The following FHIT variants were observed in gnomAD, a reference collection of about 807,000 sequenced individuals.
FHIT encodes the protein fragile histidine triad diadenosine triphosphatase.
In FHIT, 19 loss-of-function variants were observed where a neutral mutation model predicts 17.9. The observed-to-expected ratio is 1.06, with a 90% CI of 0.74 to 1.56. The LOEUF (loss-of-function observed/expected upper bound fraction) is 1.56. Among genes scored for constraint, FHIT ranks in the 40% most tolerant of loss-of-function variants. The pLI is 0.00. For missense variants in FHIT, 248 were observed against 189.2 expected, an observed-to-expected ratio of 1.31 and a Z score of -1.82; for synonymous variants, 81 against 69.7, an observed-to-expected ratio of 1.16 and a Z score of -0.81.
At chr3:61,240,102 A>T (rs938281844) in intron 1 of FHIT, among the ~76,000 whole-genome samples, 1 of 152,054 alleles carries the variant, frequency 6.6e-6, no homozygotes, top group Non-Finnish European at 1.5e-5. Flanking sequence ...AGGAAGCCTT[A>T]GTTTAGAGGA....
chr3:60,954,112 A>T (rs1371606246), intron 3 of FHIT, among the ~76,000 whole-genome samples: 1 of 152,218 alleles, frequency 6.6e-6, no homozygotes, highest in African/African-American at 2.4e-5. Flanking sequence ...AGAAGAAGCC[A>T]ATCTATAATG....
intron 5 of FHIT, among the ~76,000 whole-genome samples, chr3:60,249,984 G>A (rs961808341): frequency 6.6e-6 from 1 of 152,054 alleles, no homozygotes; most frequent in African/African-American, 2.4e-5. Context: ...ACTACCACAA[G>A]AACAGTATGG....
chr3:60,081,005 T>C (rs984238860), intron 5 of FHIT, among the ~76,000 whole-genome samples: 1 of 152,050 alleles, frequency 6.6e-6, no homozygotes, highest in Non-Finnish European at 1.5e-5. Context: ...TCTATCTCTA[T>C]CAAGGTACAT....
At chr3:60,536,066 G>C (rs2035970036) in intron 5 of FHIT, 1 of 152,044 alleles carries the variant, frequency 6.6e-6, no homozygotes, top group African/African-American at 2.4e-5. Context: ...AGTGAAGGAG[G>C]AAAGAGAAAA....
rs185551691 is a variant in FHIT at position 61,148,990 on chromosome 3, A to C, written c.-164+51627T>G. Among the ~76,000 whole-genome samples the C allele has an allele frequency of 1.8e-3, 276 of 152,352 alleles. 1 individual carries two copies. Among genetic ancestry groups the C allele is most frequent in the Non-Finnish European group, 2.2e-4 (15 of 68,046 alleles). On this transcript the variant is annotated intron_variant, in intron 2 of 9. Coordinates refer to ENST00000492590, the MANE Select transcript of FHIT (RefSeq NM_002012.4). Reference sequence around the variant, plus strand: ...CAATGGAAAGATTCTCAAAGGCATAAAGTTTTCCATAGAAACACTCTCAAT... The same window carrying C: ...CAATGGAAAGATTCTCAAAGGCATACAGTTTTCCATAGAAACACTCTCAAT...
intron 8 of FHIT, among the ~76,000 whole-genome samples, chr3:59,846,291 A>G (rs912423791): frequency 2.0e-5 from 3 of 152,072 alleles, no homozygotes; most frequent in South Asian, 2.1e-4. Flanking sequence ...GTTACCATGG[A>G]AATTATATTT....
At chr3:60,953,593 A>G (rs782092396) in intron 3 of FHIT, among the ~76,000 whole-genome samples, 9 of 152,186 alleles carry the variant, frequency 5.9e-5, no homozygotes, top group Non-Finnish European at 1.2e-4. Context: ...CACGTGGTCT[A>G]TCAGCTAAAT....
At chr3:60,631,939 C>G (rs1179482791) in intron 4 of FHIT, among the ~76,000 whole-genome samples, 1 of 152,162 alleles carries the variant, frequency 6.6e-6, no homozygotes, top group African/African-American at 2.4e-5. Flanking sequence ...CAGAACTGGG[C>G]AGACTACCAG....
At chr3:60,568,526 G>C (rs182196338) in intron 4 of FHIT, among the ~76,000 whole-genome samples, 1 of 152,044 alleles carries the variant, frequency 6.6e-6, no homozygotes, top group East Asian at 1.9e-4. Flanking sequence ...GTTGATGGGT[G>C]CAGCACACCA....
chr3:61,005,410 TGTGATGGTGATGGTGATGGTACTG>T (rs1342828698), intron 3 of FHIT, among the ~76,000 whole-genome samples: 4 of 151,868 alleles, frequency 2.6e-5, no homozygotes, highest in African/African-American at 7.3e-5. Context: ...TGATAATGAT[TGTGATGGTGATGGTGATGGTACTG>T]GTGATGGTGA....
At chr3:61,227,006 T>C (rs567953960) in intron 1 of FHIT, among the ~76,000 whole-genome samples, 1 of 152,224 alleles carries the variant, frequency 6.6e-6, no homozygotes, top group East Asian at 1.9e-4. Context: ...TAGAAGGTAC[T>C]AAAAGAGCTT....
chr3:60,473,781 C>T (rs538644936), intron 5 of FHIT, among the ~76,000 whole-genome samples: 4 of 151,994 alleles, frequency 2.6e-5, no homozygotes, highest in Non-Finnish European at 4.4e-5. Flanking sequence ...ATTAGCCAGG[C>T]GTGGCAGCAT....
At chr3:59,902,146 G>A (rs774944110) in intron 8 of FHIT, among the ~76,000 whole-genome samples, 11 of 152,062 alleles carry the variant, frequency 7.2e-5, no homozygotes, top group Non-Finnish European at 1.3e-4. Context: ...CAACGGACCC[G>A]CATGGATATT....
chr3:59,934,835 C>T (rs927971720), intron 7 of FHIT, among the ~76,000 whole-genome samples: 4 of 152,000 alleles, frequency 2.6e-5, no homozygotes, highest in African/African-American at 9.7e-5. Flanking sequence ...GGAAACTGCC[C>T]CCATGATTCA....
At position 59,930,324 on chromosome 3, in the gene FHIT, C is replaced by A. The variant is rs566641358; in HGVS notation, c.280-7910G>T. ...AACACAATGTGGGCAGAGCACAGAC[C>A]CCACTTGTAGCAATGCTTTGCACAG... On this transcript the variant is annotated intron_variant, in intron 7 of 9. Coordinates refer to ENST00000492590, the MANE Select transcript of FHIT (RefSeq NM_002012.4). Among the ~76,000 whole-genome samples the A allele has an allele frequency of 3.9e-5, 6 of 152,226 alleles. No homozygotes were observed. The East Asian group carries it at 1.2e-3, about 29-fold the overall frequency.
intron 3 of FHIT, among the ~76,000 whole-genome samples, chr3:60,860,671 CATATGTACATATATATCAGGTAT>C (rs1553751802): frequency 9.0e-6 from 1 of 111,620 alleles, no homozygotes; most frequent in African/African-American, 3.3e-5. Context: ...TATATATGTA[CATATGTACATATATATCAGGTAT>C]ATATGTACAT....
intron 7 of FHIT, among the ~76,000 whole-genome samples, chr3:60,003,058 T>C (rs1318237945): frequency 6.6e-6 from 1 of 152,190 alleles, no homozygotes; most frequent in Non-Finnish European, 1.5e-5. Flanking sequence ...CATTTCTTAA[T>C]GGAAAGTGCT....
intron 5 of FHIT, among the ~76,000 whole-genome samples, chr3:60,243,564 T>G (rs1705240574): frequency 6.6e-6 from 1 of 152,048 alleles, no homozygotes; most frequent in Non-Finnish European, 1.5e-5. Context: ...TGCTTTAAGC[T>G]CCACGGTTTA....
intron 5 of FHIT, among the ~76,000 whole-genome samples, chr3:60,203,589 C>G (rs1703019236): frequency 6.6e-6 from 1 of 152,158 alleles, no homozygotes; most frequent in Admixed American, 6.5e-5. Context: ...TCCAGATGCA[C>G]TGCTCTGTGC....
Sources: allele counts gnomAD v4.1 joint callset (sites outside exome capture counted in the v4.1 genomes callset), GRCh38; gene constraint gnomAD v4.1.1; transcripts MANE v1.5; gene names NCBI Gene and HGNC (gene_info 2026-07-23, HGNC 2026-07-21).